Variants in MBTPS2 observed in about 807,000 individuals in gnomAD.
MBTPS2 encodes membrane bound transcription factor peptidase, site 2, also known as membrane-bound transcription factor site-2 protease.
In MBTPS2, 2 loss-of-function variants were observed where a neutral mutation model predicts 35.4. The ratio of observed to expected loss-of-function variants is 0.06; its 90% confidence interval spans 0.02 to 0.18. MBTPS2 has a LOEUF of 0.18. Among genes scored for constraint, MBTPS2 ranks in the 10% least tolerant of loss-of-function variants. The probability of loss-of-function intolerance (pLI) is 1.00; values close to 1 mark genes in which losing one functional copy is unlikely to be tolerated. For missense variants in MBTPS2, 244 were observed against 386.5 expected, an observed-to-expected ratio of 0.63 and a Z score of 3.09; for synonymous variants, 125 against 140.4, an observed-to-expected ratio of 0.89 and a Z score of 0.77.
chrX:21,859,721 G>A (rs764194349), intron 5 of MBTPS2, among the ~76,000 whole-genome samples: 16 of 111,822 alleles, frequency 1.4e-4, no homozygotes, highest in South Asian at 7.4e-4. Context: ...GCATCTGGTG[G>A]GTGGAGGGAG....
chrX:21,880,260 A>C (rs1177378485), intron 9 of MBTPS2, among the ~76,000 whole-genome samples: 3 of 109,794 alleles, frequency 2.7e-5, no homozygotes, highest in South Asian at 7.7e-4. Context: ...AGCCTATGTC[A>C]CTCTTTAAAA....
rs751755276 is a variant in MBTPS2 at position 21,868,457 on chromosome X, C to G, written c.671-10C>G. The G allele has an allele frequency of 8.3e-5, 94 of 1,132,225 alleles. No individual in the cohort carries two copies. Among genetic ancestry groups the G allele is most frequent in the Non-Finnish European group, 1.1e-4 (93 of 824,476 alleles). The allele number at this position is 1,132,225 out of a possible 1,213,427, so 93.3% of individuals were successfully genotyped here. A position where few individuals can be genotyped will look rare whatever the true frequency, so the allele number is the denominator to read the frequency against. ...GGTTGAGCTTATTGCTTTTTTTCCTCTCTTTCCAGGTATCTGGCATAATTT... is the reference window on the plus strand; with the variant it reads ...GGTTGAGCTTATTGCTTTTTTTCCTGTCTTTCCAGGTATCTGGCATAATTT... On this transcript the variant is annotated splice_polypyrimidine_tract_variant and intron_variant, in intron 5 of 10. Transcript: ENST00000379484.
chrX:21,876,752 A>T (rs2092953595), intron 7 of MBTPS2, among the ~76,000 whole-genome samples: 1 of 111,696 alleles, frequency 9.0e-6, no homozygotes, highest in African/African-American at 3.3e-5. Flanking sequence ...AGAGTAAAAC[A>T]AAACAAAAAA....
At chrX:21,879,949 C>CTT (rs60769329) in intron 9 of MBTPS2, among the ~76,000 whole-genome samples, 487 of 47,323 alleles carry the variant, frequency 0.01, 62 homozygotes, top group African/African-American at 0.036. Context: ...TTATGTTATT[C>CTT]TTTTTTTTTT....
chrX:21,861,807 A>T (rs1296994708), intron 5 of MBTPS2, among the ~76,000 whole-genome samples: 2 of 108,228 alleles, frequency 1.8e-5, no homozygotes, highest in Non-Finnish European at 3.9e-5. Context: ...AAGATCATTT[A>T]CCTGATAAGT....
In MBTPS2 at chrX:21,843,101, G is replaced by A. The variant is rs2092904506; in HGVS notation, c.76-69G>A. ...TAATTTCCTCTAGAAAATACTTTGTGTTATTTTCTTACACATTATAAATTG... is the reference window on the plus strand; with the variant it reads ...TAATTTCCTCTAGAAAATACTTTGTATTATTTTCTTACACATTATAAATTG... On this transcript the variant is annotated intron_variant, in intron 1 of 10. Coordinates refer to ENST00000379484, the MANE Select transcript of MBTPS2 (RefSeq NM_015884.4). The A allele has an allele frequency of 6.8e-6, 6 of 880,556 alleles. No individual in the cohort carries two copies. In the South Asian group the frequency reaches 1.2e-4, roughly 18 times the overall value. 72.6% of individuals were successfully genotyped at this position (880,556 alleles called of 1,213,427 possible).
intron 5 of MBTPS2, chrX:21,856,943 T>C: frequency 8.3e-7 from 1 of 1,211,874 alleles, no homozygotes; most frequent in South Asian, 1.8e-5. Flanking sequence ...CCACCAGCAC[T>C]GAGGCCAACC....
At chrX:21,840,970 G>C (rs1018670042) in intron 1 of MBTPS2, among the ~76,000 whole-genome samples, 1 of 111,713 alleles carries the variant, frequency 9.0e-6, no homozygotes, top group Non-Finnish European at 1.9e-5. Flanking sequence ...ATAAAGTCTC[G>C]CTCCTCAACT....
At position 21,856,815 on chromosome X, in the gene MBTPS2, A is replaced by G. The variant is rs747779901; in HGVS notation, c.670+3312A>G. On this transcript the variant is annotated intron_variant, in intron 5 of 10. Transcript: ENST00000379484. ...GGACCAGTTGGCCCTCCCGGATAGC[A>G]TTGAAGACGAGCACTTCCAGATGAC... 2.5e-6 allele frequency: 3 copies of G among 1,211,818 alleles called. No homozygotes were observed. The Admixed American group carries it at 6.5e-5, about 26-fold the overall frequency.
chrX:21,861,234 T>C (rs2092931020), intron 5 of MBTPS2, among the ~76,000 whole-genome samples: 1 of 111,850 alleles, frequency 8.9e-6, no homozygotes, highest in Non-Finnish European at 1.9e-5. Flanking sequence ...AAATGTCAAT[T>C]ATGAGAGTAT....
chrX:21,845,430 C>G, intron 3 of MBTPS2, 46 bp downstream of exon 3: 1 of 1,101,669 alleles, frequency 9.1e-7, no homozygotes, highest in Non-Finnish European at 1.2e-6. Flanking sequence ...AATAGAGATG[C>G]AAGATACCAC....
Position 21,884,524 on chromosome X carries a change from T to C in MBTPS2, c.*1869T>C. 1 of 754,210 alleles carries C rather than the reference T, an allele frequency of 1.3e-6. No individual in the cohort carries two copies. Among genetic ancestry groups the C allele is most frequent in the Non-Finnish European group, 1.6e-6 (1 of 638,940 alleles). 62.2% of individuals were successfully genotyped at this position (754,210 alleles called of 1,213,427 possible). On this transcript the variant is annotated 3_prime_UTR_variant, in exon 11 of 11. Coordinates refer to ENST00000379484, the MANE Select transcript of MBTPS2 (RefSeq NM_015884.4). ...AAAAAACGAAACCCAAATCTCATTTTATTTCAACTGTTAAACATTTTGATC... is the reference window on the plus strand; with the variant it reads ...AAAAAACGAAACCCAAATCTCATTTCATTTCAACTGTTAAACATTTTGATC...
Position 21,884,164 on chromosome X carries a change from T to A in MBTPS2, c.*1509T>A. 1.4e-6 allele frequency: 1 copy of A among 710,394 alleles called. No individual in the cohort carries two copies. The highest frequency in any genetic ancestry group is 1.7e-6 in the Non-Finnish European group (1 of 598,994). The allele number at this position is 710,394 out of a possible 1,213,427, so 58.5% of individuals were successfully genotyped here. A position where few individuals can be genotyped will look rare whatever the true frequency, so the allele number is the denominator to read the frequency against. On this transcript the variant is annotated 3_prime_UTR_variant, in exon 11 of 11. Transcript: ENST00000379484. The stretch of plus-strand genomic sequence containing the variant: ...CTTAACAGTAATTAGATGTTGAATA[T>A]AATTTTAACATTTTATTAATGACTT...
At chrX:21,863,112 T>A (rs1320262519) in intron 5 of MBTPS2, among the ~76,000 whole-genome samples, 1 of 91,829 alleles carries the variant, frequency 1.1e-5, no homozygotes, top group Admixed American at 1.3e-4. Flanking sequence ...ACACACACAC[T>A]AAAAAACTAG....
Position 21,882,738 on chromosome X carries a change from G to A in MBTPS2, c.*83G>A. 8.4e-7 allele frequency: 1 copy of A among 1,188,966 alleles called. No individual in the cohort carries two copies. The highest frequency in any genetic ancestry group is 1.1e-6 in the Non-Finnish European group (1 of 881,443). On this transcript the variant is annotated 3_prime_UTR_variant, in exon 11 of 11. Coordinates refer to ENST00000379484, the MANE Select transcript of MBTPS2 (RefSeq NM_015884.4). Reference sequence around the variant, plus strand: ...TCATTGCCATTGAAATTCTTACTTGGTATGAAATATAAAGTGTTTCCTTAA... The same window carrying A: ...TCATTGCCATTGAAATTCTTACTTGATATGAAATATAAAGTGTTTCCTTAA...
At chrX:21,860,849 TAAGG>T (rs1285084448) in intron 5 of MBTPS2, among the ~76,000 whole-genome samples, 5 of 112,121 alleles carry the variant, frequency 4.5e-5, no homozygotes, top group Admixed American at 9.5e-5. Flanking sequence ...TTAATTTTGT[TAAGG>T]AAGCTATGAA....
intron 6 of MBTPS2, 82 bp from the exon 7 acceptor site, chrX:21,869,416 A>G: frequency 1.4e-6 from 1 of 710,885 alleles, no homozygotes; most frequent in Non-Finnish European, 2.3e-6. Flanking sequence ...CACTTAATTA[A>G]CTCAGTGTCT....
chrX:21,877,374 G>A (rs1036620524), intron 7 of MBTPS2, among the ~76,000 whole-genome samples: 1 of 111,925 alleles, frequency 8.9e-6, no homozygotes, highest in Non-Finnish European at 1.9e-5. Flanking sequence ...CCCAGGAGGT[G>A]GAGGTTACAG....
At chrX:21,873,993 G>GTA (rs1404695632) in intron 7 of MBTPS2, among the ~76,000 whole-genome samples, 30 of 66,574 alleles carry the variant, frequency 4.5e-4, no homozygotes, top group African/African-American at 1.2e-3. Context: ...GTGTGTGTGT[G>GTA]TGTGTGTGTA....
Sources: allele counts gnomAD v4.1 joint callset (sites outside exome capture counted in the v4.1 genomes callset), GRCh38; gene constraint gnomAD v4.1.1; transcripts MANE v1.5; gene names NCBI Gene and HGNC (gene_info 2026-07-23, HGNC 2026-07-21).